Variants in FYB2 observed in about 807,000 individuals in gnomAD.
FYB2 encodes the protein FYN-binding protein 2.
In FYB2, 103 loss-of-function variants were observed where a neutral mutation model predicts 94.1. The ratio of observed to expected loss-of-function variants is 1.09; its 90% confidence interval spans 0.93 to 1.29. The LOEUF is 1.29. Among genes scored for constraint, FYB2 ranks in the 50% most tolerant of loss-of-function variants. FYB2 has a pLI of 0.00. For synonymous variants in FYB2, 293 were observed against 287.9 expected (o/e 1.02, Z -0.18); for missense variants, 896 against 841.5 (o/e 1.06, Z -0.80).
intron 5 of FYB2, among the ~76,000 whole-genome samples, chr1:56,761,008 T>C (rs1172099989): frequency 5.3e-5 from 8 of 152,150 alleles, no homozygotes; most frequent in Non-Finnish European, 1.0e-4. Flanking sequence ...CAGAGTTATA[T>C]AACCCTCTCT....
At chr1:56,721,879 G>A (rs1569837770) in intron 17 of FYB2, among the ~76,000 whole-genome samples, 1 of 151,992 alleles carries the variant, frequency 6.6e-6, no homozygotes, top group African/African-American at 2.4e-5. Flanking sequence ...AATGAAAATA[G>A]TAGACAGTCT....
chr1:56,773,594 C>T (rs1444423825), intron 4 of FYB2, among the ~76,000 whole-genome samples: 2 of 152,086 alleles, frequency 1.3e-5, no homozygotes, highest in African/African-American at 4.8e-5. Context: ...GGCGAGTTTC[C>T]TTTCACAGGA....
At chr1:56,755,996 G>T in intron 6 of FYB2, 69 bp from the exon 7 acceptor site, 1 of 1,452,494 alleles carries the variant, frequency 6.9e-7, no homozygotes, top group Non-Finnish European at 9.6e-7. Flanking sequence ...TTTGGTTACA[G>T]ATCATTAGAG....
chr1:56,804,766 A>G (rs145530714), intron 1 of FYB2, among the ~76,000 whole-genome samples: 211 of 151,948 alleles, frequency 1.4e-3, no homozygotes, highest in African/African-American at 4.8e-3. Context: ...TAAATAAATA[A>G]AGTGCAGGTT....
At chr1:56,733,005 T>C (rs536480398) in intron 15 of FYB2, among the ~76,000 whole-genome samples, 7 of 152,156 alleles carry the variant, frequency 4.6e-5, no homozygotes, top group African/African-American at 1.7e-4. Context: ...TCTAAAAAGC[T>C]TCTGCACAGT....
chr1:56,740,270 A>G (rs1378512662), intron 13 of FYB2, among the ~76,000 whole-genome samples: 1 of 152,038 alleles, frequency 6.6e-6, no homozygotes, highest in Admixed American at 6.6e-5. Flanking sequence ...CCCCTTCCAC[A>G]TATTGCTGCT....
At chr1:56,750,914 C>T in intron 9 of FYB2, 130 bp downstream of exon 9, 1 of 1,082,914 alleles carries the variant, frequency 9.2e-7, no homozygotes, top group Non-Finnish European at 1.3e-6. Flanking sequence ...ACAGCTTCCT[C>T]ACTAGGGCAA....
At chr1:56,756,488 T>C (rs1413178792) in intron 6 of FYB2, among the ~76,000 whole-genome samples, 1 of 152,132 alleles carries the variant, frequency 6.6e-6, no homozygotes, top group Non-Finnish European at 1.5e-5. Flanking sequence ...CTAAGAACTC[T>C]GAGAAGAATA....
chr1:56,813,425 C>T lies in FYB2; in HGVS notation c.9+5857G>A, dbSNP rs143358919. On this transcript the variant is annotated intron_variant, in intron 1 of 19. Transcript: ENST00000343433. ...TATAAAACCATCAGCTCTCATGAGA[C>T]TTATTCACTATCACGAGAACATCAC... 8.8e-3 allele frequency among the ~76,000 whole-genome samples: 1,333 copies of T among 152,314 alleles called. 14 individuals are homozygous for T. The highest frequency in any genetic ancestry group is 0.014 in the Non-Finnish European group (943 of 68,030).
intron 4 of FYB2, among the ~76,000 whole-genome samples, chr1:56,786,241 C>T (rs1235327552): frequency 6.6e-6 from 1 of 152,220 alleles, no homozygotes; most frequent in African/African-American, 2.4e-5. Flanking sequence ...CAGCCCAGAT[C>T]AGCTGTACTC....
At chr1:56,750,770 G>T (rs918938043) in intron 9 of FYB2, among the ~76,000 whole-genome samples, 3 of 151,932 alleles carry the variant, frequency 2.0e-5, no homozygotes, top group Admixed American at 6.6e-5. Flanking sequence ...ATATTATGAT[G>T]ATCTCTTTTT....
intron 4 of FYB2, among the ~76,000 whole-genome samples, chr1:56,772,994 C>T (rs1386323162): frequency 1.3e-5 from 2 of 152,116 alleles, no homozygotes; most frequent in African/African-American, 2.4e-5. Context: ...TTATACACTA[C>T]ATTATAAAAC....
chr1:56,719,076 A>ATT lies in FYB2; in HGVS notation c.*593_*594dup, dbSNP rs1175968101. ...TGATGGGTGAATTTAGGAATAAATTATTTTTCTGCAAACTATTCCCAAAAG... is the reference window on the plus strand; with the variant it reads ...TGATGGGTGAATTTAGGAATAAATTATTTTTTTCTGCAAACTATTCCCAAAAG... On this transcript the variant is annotated 3_prime_UTR_variant, in exon 20 of 20. Coordinates refer to ENST00000343433, the MANE Select transcript of FYB2 (RefSeq NM_001004303.5). 1 of 152,258 alleles carries ATT rather than the reference A, an allele frequency of 6.6e-6. No individual in the cohort carries two copies. Among genetic ancestry groups the ATT allele is most frequent in the East Asian group, 1.9e-4 (1 of 5,188 alleles). The allele number at this position is 152,258 out of a possible 1,614,324, so 9.4% of individuals were successfully genotyped here.
intron 2 of FYB2, among the ~76,000 whole-genome samples, chr1:56,791,560 T>C (rs1249404488): frequency 1.3e-5 from 2 of 152,150 alleles, no homozygotes; most frequent in Non-Finnish European, 2.9e-5. Flanking sequence ...TCCTTATCCT[T>C]TCATAACTTA....
rs3991685 is a variant in FYB2, at chr1:56,818,455, A to AACACACAC, written c.9+819_9+826dup. On this transcript the variant is annotated intron_variant, in intron 1 of 19. Transcript: ENST00000343433. ...AATATATAATAAAAAGTATGGAAGC[A>AACACACAC]ACACACACACACACACACACACACA... 1.1e-3 allele frequency among the ~76,000 whole-genome samples: 150 copies of AACACACAC among 139,960 alleles called. 1 individual carries two copies. The highest frequency in any genetic ancestry group is 3.1e-3 in the African/African-American group (115 of 37,372). The allele number at this position is 139,960 out of a possible 152,430, so 91.8% of individuals were successfully genotyped here.
At chr1:56,743,264 G>A (rs1221344048) in intron 11 of FYB2, among the ~76,000 whole-genome samples, 1 of 151,898 alleles carries the variant, frequency 6.6e-6, no homozygotes, top group Non-Finnish European at 1.5e-5. Flanking sequence ...TATCTAACAT[G>A]TACTTGGCAT....
intron 2 of FYB2, among the ~76,000 whole-genome samples, chr1:56,790,652 A>C (rs1027293470): frequency 8.5e-5 from 13 of 152,336 alleles, no homozygotes; most frequent in Non-Finnish European, 1.6e-4. Context: ...GTTGAGAACA[A>C]GAACATGTAT....
chr1:56,755,753 A>C (rs1645312844), intron 7 of FYB2, 143 bp downstream of exon 7: 1 of 759,222 alleles, frequency 1.3e-6, no homozygotes, highest in Non-Finnish European at 2.3e-6. Flanking sequence ...CTTCCTCTGT[A>C]CTAGGCACCT....
At chr1:56,799,082 A>G (rs144218154) in intron 1 of FYB2, among the ~76,000 whole-genome samples, 11 of 152,240 alleles carry the variant, frequency 7.2e-5, no homozygotes, top group African/African-American at 2.4e-4. Flanking sequence ...ACACTTATAT[A>G]TGATGTCTTA....
Sources: allele counts gnomAD v4.1 joint callset (sites outside exome capture counted in the v4.1 genomes callset), GRCh38; gene constraint gnomAD v4.1.1; transcripts MANE v1.5; gene names NCBI Gene and HGNC (gene_info 2026-07-23, HGNC 2026-07-21).